Variants in TMEM231 observed in about 807,000 individuals in gnomAD.
TMEM231 encodes the protein transmembrane protein 231.
A neutral mutation model predicts 38.5 loss-of-function variants in TMEM231; 40 were observed. That is an observed-to-expected ratio of 1.04 (90% CI 0.81 to 1.35). The LOEUF (loss-of-function observed/expected upper bound fraction) is 1.35, where lower values mean the gene tolerates loss of function less well. Ranked by LOEUF, TMEM231 falls within the 40% of genes most tolerant of loss-of-function variation. The pLI is 0.00. For synonymous variants in TMEM231, 199 were observed against 181.7 expected (o/e 1.10, Z -0.77); for missense variants, 420 against 416.9 (o/e 1.01, Z -0.07).
At chr16:75,548,733 G>A (rs995392623) in intron 2 of TMEM231, among the ~76,000 whole-genome samples, 3 of 152,160 alleles carry the variant, frequency 2.0e-5, no homozygotes, top group African/African-American at 4.8e-5. Flanking sequence ...GCTAGGCATG[G>A]TGGCGTGCAC....
At position 75,553,171 on chromosome 16, in the gene TMEM231, C is replaced by G. The variant is rs191752114; in HGVS notation, c.309+2633G>C. ...TTGGTCCAACCTTAATCAACAACCA[C>G]TGTTTCCTTTGCCTTCTGGACAGTT... On this transcript the variant is annotated intron_variant, in intron 2 of 6. Coordinates refer to ENST00000258173, the MANE Select transcript of TMEM231 (RefSeq NM_001077418.3). 9.7e-4 allele frequency among the ~76,000 whole-genome samples: 148 copies of G among 152,360 alleles called. 1 individual carries two copies. Among genetic ancestry groups the G allele is most frequent in the African/African-American group, 3.3e-3 (138 of 41,580 alleles).
intron 4 of TMEM231, among the ~76,000 whole-genome samples, chr16:75,544,284 G>A (rs2080657720): frequency 6.6e-6 from 1 of 152,194 alleles, no homozygotes; most frequent in African/African-American, 2.4e-5. Flanking sequence ...GTCTGGCTGA[G>A]GAATGGTGGA....
rs2080573309 is a variant in TMEM231, at chr16:75,537,580, G to C, written c.*2414C>G. 6.6e-6 allele frequency: 1 copy of C among 151,546 alleles called. No homozygotes were observed. The highest frequency in any genetic ancestry group is 6.6e-5 in the Admixed American group (1 of 15,158). The allele number at this position is 151,546 out of a possible 1,614,324, so 9.4% of individuals were successfully genotyped here. A position where few individuals can be genotyped will look rare whatever the true frequency, so the allele number is the denominator to read the frequency against. Reference sequence around the variant, plus strand: ...CGGCTCACTGCAACCTCCGCCTCCAGGGTTCAAGCGATTCTCCTGCCTCAG... The same window carrying C: ...CGGCTCACTGCAACCTCCGCCTCCACGGTTCAAGCGATTCTCCTGCCTCAG... On this transcript the variant is annotated 3_prime_UTR_variant, in exon 7 of 7. Transcript: ENST00000258173.
chr16:75,545,456 G>A lies in TMEM231; in HGVS notation c.478C>T (p.Gln160Ter). 1 of 1,598,080 alleles carries A rather than the reference G, an allele frequency of 6.3e-7. No individual in the cohort carries two copies. Among genetic ancestry groups the A allele is most frequent in the East Asian group, 2.2e-5 (1 of 44,468 alleles). Reference protein sequence around the residue: ...TLVMQSMAFLQSSFPVPGSQL... With the variant: ...TLVMQSMAFL ...GATCCCGGGACAGGAAAGGAGGACT[G>A]GAGAAACGCCATGCTCTGCATCACG... Residue 160 changes from glutamine (Q) to a stop codon, truncating the protein, a stop_gained, in exon 4 of 7, where the codon CAG (glutamine) becomes TAG (stop). Coordinates refer to ENST00000258173, the MANE Select transcript of TMEM231 (RefSeq NM_001077418.3). LOFTEE classifies it high-confidence loss of function.
rs1018441760 is a variant in TMEM231, at chr16:75,538,467, C to T, written c.*1527G>A. On this transcript the variant is annotated 3_prime_UTR_variant, in exon 7 of 7. Coordinates refer to ENST00000258173, the MANE Select transcript of TMEM231 (RefSeq NM_001077418.3). The stretch of plus-strand genomic sequence containing the variant: ...TGAATTTAAACAAGAAACTATTTTT[C>T]GTTTAGATCTTAAGAAAAAAATTTA... 2.6e-5 allele frequency: 4 copies of T among 151,940 alleles called. No homozygotes were observed. Among genetic ancestry groups the T allele is most frequent in the Non-Finnish European group, 5.9e-5 (4 of 67,990 alleles). The allele number at this position is 151,940 out of a possible 1,614,324, so 9.4% of individuals were successfully genotyped here.
chr16:75,541,295 T>A, intron 6 of TMEM231, 55 bp downstream of exon 6: 1 of 1,346,904 alleles, frequency 7.4e-7, no homozygotes, highest in Non-Finnish European at 1.0e-6. Flanking sequence ...GCTGAAATTA[T>A]AGGCAGGAGC....
Position 75,538,131 on chromosome 16 carries a change from T to TTTAA in TMEM231, c.*1862_*1863insTTAA. ...TACATGTGATCTTCCATTTTGACTT[T>TTTAA]TTTATTTATTTATTTATTTATTTTA... On this transcript the variant is annotated 3_prime_UTR_variant, in exon 7 of 7. Coordinates refer to ENST00000258173, the MANE Select transcript of TMEM231 (RefSeq NM_001077418.3). 6.6e-6 allele frequency: 1 copy of TTTAA among 152,136 alleles called. No individual in the cohort carries two copies. The highest frequency in any genetic ancestry group is 1.5e-5 in the Non-Finnish European group (1 of 67,996). The allele number at this position is 152,136 out of a possible 1,614,324, so 9.4% of individuals were successfully genotyped here. A position where few individuals can be genotyped will look rare whatever the true frequency, so the allele number is the denominator to read the frequency against.
In TMEM231 at chr16:75,555,687, C is replaced by T; in HGVS notation, c.309+117G>A. ...ACGCCACCTTTGCGGGTTCGCGAGT[C>T]CTTAGGATCAAAGCTGGGCTCCCCA... On this transcript the variant is annotated intron_variant, in intron 2 of 6. Transcript: ENST00000258173. 3 of 1,116,972 alleles carry T rather than the reference C, an allele frequency of 2.7e-6. No homozygotes were observed. In the East Asian group the frequency reaches 8.7e-5, roughly 32 times the overall value. The allele number at this position is 1,116,972 out of a possible 1,614,324, so 69.2% of individuals were successfully genotyped here.
intron 2 of TMEM231, among the ~76,000 whole-genome samples, chr16:75,549,946 T>G (rs2080738175): frequency 6.6e-6 from 1 of 152,138 alleles, no homozygotes; most frequent in Admixed American, 6.6e-5. Context: ...TGACCTTGGG[T>G]GATCTGCCCG....
At chr16:75,553,475 A>T (rs1432708437) in intron 2 of TMEM231, among the ~76,000 whole-genome samples, 5 of 151,986 alleles carry the variant, frequency 3.3e-5, no homozygotes, top group Admixed American at 3.3e-4. Context: ...CAAAAAAGTT[A>T]GCCCGGAGTG....
intron 2 of TMEM231, 141 bp from the exon 3 acceptor site, chr16:75,546,095 A>G (rs770163502): frequency 1.1e-5 from 17 of 1,544,398 alleles, no homozygotes; most frequent in East Asian, 2.5e-5. Flanking sequence ...AGAAAAGCAG[A>G]TAGATGTAAG....
intron 5 of TMEM231, 116 bp from the exon 6 acceptor site, chr16:75,541,571 A>G (rs2080629160): frequency 3.5e-6 from 2 of 566,610 alleles, no homozygotes; most frequent in Admixed American, 4.0e-5. Context: ...GAAAGAAATC[A>G]TTCGGAAGGA....
At chr16:75,544,949 CTTTTTTTTTTTTT>C (rs71134720) in intron 4 of TMEM231, among the ~76,000 whole-genome samples, 4 of 89,622 alleles carry the variant, frequency 4.5e-5, no homozygotes, top group Non-Finnish European at 9.6e-5. Context: ...TTTTCTTTTT[CTTTTTTTTTTTTT>C]TTTTTTTTTT....
rs558183959 is a variant in TMEM231, at chr16:75,552,154, A to C, written c.309+3650T>G. On this transcript the variant is annotated intron_variant, in intron 2 of 6. Transcript: ENST00000258173. The stretch of plus-strand genomic sequence containing the variant: ...GATACAGCATTAAAAGAAAAACAAA[A>C]ACAAAAAACAAAAATTCAGCTGGGC... Among the ~76,000 whole-genome samples the C allele has an allele frequency of 2.2e-4, 33 of 152,034 alleles. No individual in the cohort carries two copies. In the East Asian group the frequency reaches 6.2e-3, roughly 29 times the overall value.
chr16:75,552,083 T>C (rs1026440418), intron 2 of TMEM231, among the ~76,000 whole-genome samples: 1 of 151,678 alleles, frequency 6.6e-6, no homozygotes, highest in African/African-American at 2.4e-5. Context: ...CAACAACCCA[T>C]ACTTTTCTAT....
At chr16:75,549,711 T>A (rs1200146780) in intron 2 of TMEM231, among the ~76,000 whole-genome samples, 1 of 152,120 alleles carries the variant, frequency 6.6e-6, no homozygotes, top group African/African-American at 2.4e-5. Flanking sequence ...AGAGGGAATT[T>A]TTTTGTTTTT....
intron 4 of TMEM231, among the ~76,000 whole-genome samples, chr16:75,544,175 T>A (rs75957652): frequency 1.7e-3 from 258 of 152,350 alleles, no homozygotes; most frequent in African/African-American, 5.9e-3. Context: ...TAGGCACGGA[T>A]GTGATAGTAT....
intron 2 of TMEM231, among the ~76,000 whole-genome samples, chr16:75,551,969 AAAAAG>A (rs1245109274): frequency 1.4e-4 from 21 of 151,774 alleles, no homozygotes; most frequent in African/African-American, 5.1e-4. Context: ...CTCAAAAAAA[AAAAAG>A]AAAAGAAAAG....
chr16:75,553,730 C>T (rs2151708420), intron 2 of TMEM231, among the ~76,000 whole-genome samples: 1 of 151,622 alleles, frequency 6.6e-6, no homozygotes, highest in South Asian at 2.1e-4. Flanking sequence ...GCTATGTTGC[C>T]CACACTGGCC....
Sources: gnomAD v4.1 joint callset for allele counts (sites outside exome capture counted in the v4.1 genomes callset) on GRCh38, gnomAD v4.1.1 for gene constraint, MANE v1.5 for transcripts, NCBI Gene and HGNC (gene_info 2026-07-23, HGNC 2026-07-21) for gene names.